The following NLRP8 variants were observed in gnomAD, a reference collection of about 807,000 sequenced individuals.
NLRP8 encodes the protein NLR family pyrin domain containing 8.
A neutral mutation model predicts 88.7 loss-of-function variants in NLRP8; 86 were observed. The ratio of observed to expected loss-of-function variants is 0.97; its 90% CI spans 0.81 to 1.16. The LOEUF is 1.16. NLRP8 is among the 50% of genes most tolerant of loss of function. NLRP8 has a pLI of 0.00. For synonymous variants in NLRP8, 504 were observed against 494.6 expected (o/e 1.02, Z -0.25); for missense variants, 1,342 against 1,286.5 (o/e 1.04, Z -0.66).
chr19:55,968,663 C>G (rs1348990691), intron 5 of NLRP8, among the ~76,000 whole-genome samples: 1 of 152,020 alleles, frequency 6.6e-6, no homozygotes, highest in Admixed American at 6.6e-5. Context: ...TCGCTTGAAT[C>G]CAGGAAGCAG....
rs150350796 is a variant in NLRP8, at chr19:55,948,606, T to G, written c.367+337T>G. On this transcript the variant is annotated intron_variant, in intron 1 of 9. Coordinates refer to ENST00000291971, the MANE Select transcript of NLRP8 (RefSeq NM_176811.2). Reference sequence around the variant, plus strand: ...ACCCACCACCATGCCTGGGTAATTTTTTTTTATTTTTAGTAGAGACGGGGT... The same window carrying G: ...ACCCACCACCATGCCTGGGTAATTTGTTTTTATTTTTAGTAGAGACGGGGT... 9.5e-3 allele frequency among the ~76,000 whole-genome samples: 1,450 copies of G among 152,200 alleles called. 21 individuals are homozygous for G. The highest frequency in any genetic ancestry group is 0.032 in the African/African-American group (1,349 of 41,518).
At position 55,948,237 on chromosome 19, in the gene NLRP8, A is replaced by C; in HGVS notation, c.335A>C (p.Lys112Thr). ...ATCTTTGCCATTATGAACTGTGATA[A>C]AATGTGTGTTGTAGTCCGCAGAGAG... Residue 112 changes from lysine to threonine, a missense_variant, in exon 1 of 10, where the codon AAA becomes ACA. Coordinates refer to ENST00000291971, the MANE Select transcript of NLRP8 (RefSeq NM_176811.2). The C allele has an allele frequency of 6.2e-7, 1 of 1,613,976 alleles. No individual in the cohort carries two copies. The highest frequency in any genetic ancestry group is 8.5e-7 in the Non-Finnish European group (1 of 1,179,944).
At chr19:55,986,795 T>G (rs1482355024) in intron 9 of NLRP8, among the ~76,000 whole-genome samples, 1 of 152,022 alleles carries the variant, frequency 6.6e-6, no homozygotes, top group African/African-American at 2.4e-5. Flanking sequence ...GAGCTGGACC[T>G]GCTCTTGGTG....
At chr19:55,965,562 TCCTTCAGGAA>T (rs1385884349) in intron 4 of NLRP8, among the ~76,000 whole-genome samples, 1 of 152,172 alleles carries the variant, frequency 6.6e-6, no homozygotes, top group African/African-American at 2.4e-5. Context: ...GTCCTCCGAA[TCCTTCAGGAA>T]TAGGATGACG....
intron 8 of NLRP8, among the ~76,000 whole-genome samples, chr19:55,977,393 C>T (rs117459524): frequency 0.14 from 19,336 of 137,392 alleles, 1,611 homozygotes; most frequent in East Asian, 0.22. Flanking sequence ...AAAATAAATA[C>T]GAATATATTA....
chr19:55,961,402 A>G (rs535626760), intron 3 of NLRP8, among the ~76,000 whole-genome samples: 6 of 152,094 alleles, frequency 3.9e-5, no homozygotes, highest in Non-Finnish European at 8.8e-5. Flanking sequence ...CTTTATTCTG[A>G]TCCTATATTT....
In NLRP8 at chr19:55,954,564, C is replaced by T; in HGVS notation, c.506C>T (p.Thr169Ile). Residue 169 changes from threonine to isoleucine, a missense_variant, in exon 3 of 10, where the codon ACT becomes ATT. Thr to Ile is a moderately conservative substitution (Grantham distance 89, BLOSUM62 -1). Coordinates refer to ENST00000291971, the MANE Select transcript of NLRP8 (RefSeq NM_176811.2). ...TTTTTCCCCATATGGGACATTACGA[C>T]TTGGCCTGGAAACCAGAGGGACTTC... The T allele has an allele frequency of 6.2e-7, 1 of 1,614,176 alleles. No homozygotes were observed. Among genetic ancestry groups the T allele is most frequent in the Non-Finnish European group, 8.5e-7 (1 of 1,180,032 alleles).
Position 55,988,101 on chromosome 19 carries a change from T to C in NLRP8, c.*188T>C. On this transcript the variant is annotated 3_prime_UTR_variant, in exon 10 of 10. Transcript: ENST00000291971. Reference sequence around the variant, plus strand: ...CGGTGATGCCCTGTGTGTATTAATATGCTATGTAAGGCTGGGCGTGGTGGC... The same window carrying C: ...CGGTGATGCCCTGTGTGTATTAATACGCTATGTAAGGCTGGGCGTGGTGGC... 1.8e-6 allele frequency: 1 copy of C among 542,898 alleles called. No individual in the cohort carries two copies. The highest frequency in any genetic ancestry group is 3.4e-6 in the Non-Finnish European group (1 of 298,034). 33.6% of individuals were successfully genotyped at this position (542,898 alleles called of 1,614,324 possible). A position where few individuals can be genotyped will look rare whatever the true frequency, so the allele number is the denominator to read the frequency against.
At chr19:55,977,010 G>T (rs1980370520) in intron 8 of NLRP8, among the ~76,000 whole-genome samples, 1 of 147,392 alleles carries the variant, frequency 6.8e-6, no homozygotes, top group African/African-American at 2.5e-5. Flanking sequence ...AACCTGGGAA[G>T]TGGAGCTTGC....
At chr19:55,976,668 G>A (rs1379817855) in intron 8 of NLRP8, among the ~76,000 whole-genome samples, 2 of 95,734 alleles carry the variant, frequency 2.1e-5, no homozygotes, top group Non-Finnish European at 4.3e-5. Flanking sequence ...GTCTGAAATT[G>A]AATTTTACAC....
At chr19:55,958,068 G>T (rs1268223757) in intron 3 of NLRP8, among the ~76,000 whole-genome samples, 1 of 152,082 alleles carries the variant, frequency 6.6e-6, no homozygotes, top group Non-Finnish European at 1.5e-5. Context: ...CTTGTCCAAG[G>T]TCACACATCT....
At chr19:55,963,586 C>G (rs1979708268) in intron 4 of NLRP8, among the ~76,000 whole-genome samples, 2 of 151,436 alleles carry the variant, frequency 1.3e-5, no homozygotes, top group Admixed American at 1.3e-4. Context: ...GTCTTGCTCT[C>G]TTGCCCAGGC....
intron 9 of NLRP8, among the ~76,000 whole-genome samples, chr19:55,982,932 G>A (rs1041364700): frequency 1.3e-5 from 2 of 152,082 alleles, no homozygotes; most frequent in Non-Finnish European, 2.9e-5. Flanking sequence ...GCAACAGAGT[G>A]AGACCCTGTC....
At position 55,954,895 on chromosome 19, in the gene NLRP8, C is replaced by A. The variant is rs750935000; in HGVS notation, c.837C>A (p.Asp279Glu). Reference sequence around the variant, plus strand: ...TGTCAAAGATTATGTCCAAACCCGACCAACTTCTGCTGCTCTTGGATGGCT... The same window carrying A: ...TGTCAAAGATTATGTCCAAACCCGAACAACTTCTGCTGCTCTTGGATGGCT... The change falls in exon 3 of 10, where the codon GAC becomes GAA. Residue 279 changes from aspartate to glutamate, a missense_variant. Transcript: ENST00000291971. 6.2e-7 allele frequency: 1 copy of A among 1,614,172 alleles called. No homozygotes were observed. Among genetic ancestry groups the A allele is most frequent in the South Asian group, 1.1e-5 (1 of 91,082 alleles).
chr19:55,984,137 T>C (rs568859106), intron 9 of NLRP8, among the ~76,000 whole-genome samples: 1 of 152,182 alleles, frequency 6.6e-6, no homozygotes, highest in East Asian at 1.9e-4. Flanking sequence ...GAAATAAAAC[T>C]GTCATTTTTC....
At chr19:55,953,877 C>G (rs1979210414) in intron 2 of NLRP8, among the ~76,000 whole-genome samples, 1 of 141,824 alleles carries the variant, frequency 7.1e-6, no homozygotes, top group South Asian at 2.4e-4. Flanking sequence ...TCTTGGCTCA[C>G]TGGAACCTCT....
chr19:55,955,808 A>G lies in NLRP8; in HGVS notation c.1750A>G (p.Lys584Glu), dbSNP rs1468223313. The G allele has an allele frequency of 3.1e-6, 5 of 1,614,062 alleles. No homozygotes were observed. The African/African-American group carries it at 5.3e-5, about 17-fold the overall frequency. The change falls in exon 3 of 10, where the codon AAG becomes GAG. Residue 584 changes from lysine to glutamate, a missense_variant. Lys to Glu is a moderately conservative substitution (Grantham distance 56). Coordinates refer to ENST00000291971, the MANE Select transcript of NLRP8 (RefSeq NM_176811.2). The stretch of plus-strand genomic sequence containing the variant: ...CCAATGCAAGGTGTCTTTCGGTAAT[A>G]AGAGGAAACTGCTGAAAGTCATACC...
rs181278006 is a variant in NLRP8, at chr19:55,956,114, T to C, written c.2042+14T>C. ...TCCTGGCTCTGAGTAAGTGCTTCGG[T>C]CCCTCCTTGGGTAGCCCGTCCTACC... is the stretch of plus-strand genomic sequence containing the variant. On this transcript the variant is annotated intron_variant, in intron 3 of 9. Transcript: ENST00000291971. 157 of 1,603,940 alleles carry C rather than the reference T, an allele frequency of 9.8e-5. No homozygotes were observed. The African/African-American group carries it at 2.0e-3, about 20-fold the overall frequency.
chr19:55,976,076 G>GTTT, intron 7 of NLRP8, 57 bp from the exon 8 acceptor site: 1 of 1,386,686 alleles, frequency 7.2e-7, no homozygotes. Context: ...TGTTGTTGTT[G>GTTT]TTGTTGTTTT....
Sources: allele counts gnomAD v4.1 joint callset (sites outside exome capture counted in the v4.1 genomes callset), GRCh38; gene constraint gnomAD v4.1.1; transcripts MANE v1.5; gene names NCBI Gene and HGNC (gene_info 2026-07-23, HGNC 2026-07-21).